SORCS3: variants seen among roughly 807,000 people sequenced by gnomAD.
SORCS3 encodes the protein sortilin related VPS10 domain containing receptor 3, also known as VPS10 domain-containing receptor SorCS3.
In SORCS3, 57 loss-of-function variants were observed where a neutral mutation model predicts 146.3. That is an observed-to-expected ratio of 0.39 (90% confidence interval 0.31 to 0.49). The LOEUF is 0.49. SORCS3 is among the 20% of genes least tolerant of loss of function. The probability of loss-of-function intolerance (pLI) is 0.92; values close to 1 mark genes in which losing one functional copy is unlikely to be tolerated. For synonymous variants in SORCS3, 653 were observed against 618.5 expected (o/e 1.06, Z -0.83); for missense variants, 1,341 against 1,575.5 (o/e 0.85, Z 2.52).
At chr10:104,726,298 T>C (rs1365111895) in intron 1 of SORCS3, among the ~76,000 whole-genome samples, 1 of 152,238 alleles carries the variant, frequency 6.6e-6, no homozygotes, top group Non-Finnish European at 1.5e-5. Flanking sequence ...TGGTCTTGTC[T>C]TGTCCTGAGT....
intron 1 of SORCS3, among the ~76,000 whole-genome samples, chr10:104,703,068 G>A (rs1053621280): frequency 8.5e-5 from 13 of 152,186 alleles, no homozygotes; most frequent in African/African-American, 2.9e-4. Context: ...GATTATACAA[G>A]AAGTTAGATT....
intron 4 of SORCS3, among the ~76,000 whole-genome samples, chr10:105,035,345 C>T (rs1318763071): frequency 6.6e-6 from 1 of 152,088 alleles, no homozygotes; most frequent in Non-Finnish European, 1.5e-5. Context: ...ATGCTGTATT[C>T]GTTTGGCTTT....
At chr10:105,145,211 A>T (rs2056122550) in intron 8 of SORCS3, among the ~76,000 whole-genome samples, 1 of 152,160 alleles carries the variant, frequency 6.6e-6, no homozygotes, top group Admixed American at 6.5e-5. Flanking sequence ...AGTGTTTAGA[A>T]GTTAGCTTCT....
intron 7 of SORCS3, among the ~76,000 whole-genome samples, chr10:105,136,022 A>C (rs2056056817): frequency 6.6e-6 from 1 of 152,296 alleles, no homozygotes; most frequent in Admixed American, 6.5e-5. Context: ...ATTCACTTCA[A>C]AACTGTTCAT....
intron 1 of SORCS3, among the ~76,000 whole-genome samples, chr10:104,659,393 C>G (rs1334603): frequency 1 from 152,082 of 152,376 alleles, 75,896 homozygotes; most frequent in Middle Eastern, 1. Context: ...TCAATGTCCA[C>G]TTCTCTGACT....
At chr10:105,235,071 C>A (rs2056785497) in intron 20 of SORCS3, among the ~76,000 whole-genome samples, 1 of 151,962 alleles carries the variant, frequency 6.6e-6, no homozygotes, top group African/African-American at 2.4e-5. Flanking sequence ...GTTTGTTCTC[C>A]CTCTCCTGAT....
chr10:105,177,845 A>G (rs1453123574), intron 13 of SORCS3, among the ~76,000 whole-genome samples: 1 of 152,140 alleles, frequency 6.6e-6, no homozygotes, highest in East Asian at 1.9e-4. Context: ...ATGTGTTGAA[A>G]TATATCTGCA....
chr10:104,646,785 A>T (rs935965809), intron 1 of SORCS3, among the ~76,000 whole-genome samples: 2 of 152,120 alleles, frequency 1.3e-5, no homozygotes, highest in Non-Finnish European at 2.9e-5. Flanking sequence ...GAGATATAGA[A>T]TGTGAGTGCC....
chr10:105,000,227 A>C (rs1192235644), intron 4 of SORCS3, among the ~76,000 whole-genome samples: 3 of 152,070 alleles, frequency 2.0e-5, no homozygotes, highest in Admixed American at 2.0e-4. Context: ...TATATCAAGC[A>C]CTGTGCTAAG....
intron 1 of SORCS3, among the ~76,000 whole-genome samples, chr10:104,671,467 T>C (rs963711419): frequency 3.3e-5 from 5 of 150,990 alleles, no homozygotes; most frequent in African/African-American, 1.2e-4. Context: ...CCCAAGTATC[T>C]GGGACTACAG....
chr10:105,080,353 T>C (rs1356382996), intron 5 of SORCS3, among the ~76,000 whole-genome samples: 3 of 152,228 alleles, frequency 2.0e-5, no homozygotes, highest in Non-Finnish European at 4.4e-5. Context: ...CACATATATA[T>C]CTTCTTTTGA....
At chr10:104,902,327 C>T (rs997134651) in intron 2 of SORCS3, among the ~76,000 whole-genome samples, 4 of 152,138 alleles carry the variant, frequency 2.6e-5, no homozygotes, top group African/African-American at 9.7e-5. Context: ...CTCCCTTTAC[C>T]CAGGGGAGCA....
At chr10:105,193,047 CTG>C (rs2056525404) in intron 14 of SORCS3, among the ~76,000 whole-genome samples, 2 of 152,168 alleles carry the variant, frequency 1.3e-5, no homozygotes, top group Non-Finnish European at 2.9e-5. Context: ...CTAACCCTCT[CTG>C]TGTATAGAAT....
At chr10:105,152,502 A>C (rs1184745030) in intron 9 of SORCS3, among the ~76,000 whole-genome samples, 2 of 152,180 alleles carry the variant, frequency 1.3e-5, no homozygotes, top group African/African-American at 4.8e-5. Flanking sequence ...ATCTCAATTT[A>C]TATGCTAAAT....
chr10:104,669,351 C>A (rs1380342469), intron 1 of SORCS3, among the ~76,000 whole-genome samples: 1 of 152,160 alleles, frequency 6.6e-6, no homozygotes, highest in African/African-American at 2.4e-5. Context: ...CTCTAGAACG[C>A]TTTTCATCTT....
chr10:104,683,860 G>A (rs186512070), intron 1 of SORCS3, among the ~76,000 whole-genome samples: 4 of 152,214 alleles, frequency 2.6e-5, no homozygotes, highest in Admixed American at 6.5e-5. Flanking sequence ...TATATGCTGG[G>A]CTCAGGGCTC....
chr10:105,091,175 T>A (rs1229384604), intron 6 of SORCS3, among the ~76,000 whole-genome samples: 1 of 124,018 alleles, frequency 8.1e-6, no homozygotes, highest in Non-Finnish European at 1.7e-5. Context: ...CTTCCTTTCC[T>A]CCTTCCTTCA....
chr10:104,870,440 T>A (rs63152161), intron 2 of SORCS3, among the ~76,000 whole-genome samples: 2 of 6,614 alleles, frequency 3.0e-4, no homozygotes, highest in African/African-American at 5.2e-4. Flanking sequence ...TTGTTTAATG[T>A]TTTTTTTTTT....
At chr10:104,719,674 C>A (rs1450452862) in intron 1 of SORCS3, among the ~76,000 whole-genome samples, 2 of 152,120 alleles carry the variant, frequency 1.3e-5, no homozygotes, top group Admixed American at 1.3e-4. Context: ...ATATAAAAGA[C>A]ACTTGGAAAA....
Sources: gnomAD v4.1 joint callset for allele counts (sites outside exome capture counted in the v4.1 genomes callset) on GRCh38, gnomAD v4.1.1 for gene constraint, MANE v1.5 for transcripts, NCBI Gene and HGNC (gene_info 2026-07-23, HGNC 2026-07-21) for gene names.